The following NEK1 variants were observed in gnomAD, a reference collection of about 807,000 sequenced individuals.
NEK1 encodes NIMA related kinase 1.
In NEK1, 137 loss-of-function variants were observed where a neutral mutation model predicts 182.1. The ratio of observed to expected loss-of-function variants is 0.75; its 90% confidence interval spans 0.65 to 0.87. The LOEUF (loss-of-function observed/expected upper bound fraction) is 0.87. Among genes scored for constraint, NEK1 ranks in the 40% least tolerant of loss-of-function variants. The pLI, the probability that NEK1 is intolerant of heterozygous loss-of-function variation, is 0.00. For missense variants in NEK1, 1,391 were observed against 1,494.4 expected (o/e 0.93, Z 1.14); for synonymous variants, 513 against 492.2 (o/e 1.04, Z -0.56).
At chr4:169,417,302 T>C (rs12644838) in intron 31 of NEK1, among the ~76,000 whole-genome samples, 108,818 of 152,096 alleles carry the variant, frequency 0.72, 41,585 homozygotes, top group Middle Eastern at 0.88. Flanking sequence ...CAATGCCATA[T>C]GAAACCTTGT....
chr4:169,466,200 C>A (rs1579912130), intron 26 of NEK1, among the ~76,000 whole-genome samples: 1 of 152,022 alleles, frequency 6.6e-6, no homozygotes. Context: ...TATAAATGAA[C>A]CTGTCCATTG....
chr4:169,467,514 T>A (rs979336394), intron 26 of NEK1, among the ~76,000 whole-genome samples: 1 of 151,758 alleles, frequency 6.6e-6, no homozygotes, highest in African/African-American at 2.4e-5. Flanking sequence ...TAATAAAAAA[T>A]AACCCCAAAT....
At chr4:169,550,270 C>T (rs1761221388) in intron 18 of NEK1, among the ~76,000 whole-genome samples, 1 of 152,302 alleles carries the variant, frequency 6.6e-6, no homozygotes. Flanking sequence ...TTCTCCTTTG[C>T]CTTCTACCAT....
chr4:169,491,162 A>AAAAAAAAAAAAAAAAAAAAAAAAAAAG (rs1554047307), intron 23 of NEK1, among the ~76,000 whole-genome samples: 1 of 122,834 alleles, frequency 8.1e-6, no homozygotes, highest in African/African-American at 3.2e-5. Flanking sequence ...AAAAAAAAAA[A>AAAAAAAAAAAAAAAAAAAAAAAAAAAG]AGAGAGATGG....
chr4:169,482,456 C>T (rs1748225271), intron 23 of NEK1, among the ~76,000 whole-genome samples: 2 of 151,554 alleles, frequency 1.3e-5, no homozygotes, highest in Non-Finnish European at 1.5e-5. Context: ...CCACATCCAG[C>T]TAATTTTTCT....
chr4:169,435,123 A>C (rs1239495645), intron 28 of NEK1, among the ~76,000 whole-genome samples: 1 of 152,158 alleles, frequency 6.6e-6, no homozygotes, highest in Non-Finnish European at 1.5e-5. Flanking sequence ...ATAGAAACTT[A>C]TTTCTCAGAG....
intron 11 of NEK1, among the ~76,000 whole-genome samples, chr4:169,579,689 C>T (rs1304275449): frequency 4.0e-5 from 6 of 151,236 alleles, no homozygotes; most frequent in South Asian, 2.1e-4. Flanking sequence ...CTTGGGAGGC[C>T]GAGGCAGGTG....
At chr4:169,433,508 A>T (rs1737814766) in intron 29 of NEK1, 37 bp downstream of exon 29, 1 of 1,578,316 alleles carries the variant, frequency 6.3e-7, no homozygotes, top group African/African-American at 1.4e-5. Flanking sequence ...TACAAAAGGG[A>T]CCTGGGTTTT....
chr4:169,433,542 T>C lies in NEK1; in HGVS notation c.2885+3A>G, dbSNP rs1208565669. 15 of 1,607,080 alleles carry C rather than the reference T, an allele frequency of 9.3e-6. No homozygotes were observed. The highest frequency in any genetic ancestry group is 1.3e-5 in the Non-Finnish European group (15 of 1,178,014). On this transcript the variant is annotated splice_donor_region_variant and intron_variant, in intron 29 of 35. Coordinates refer to ENST00000507142, the MANE Select transcript of NEK1 (RefSeq NM_001199397.3). Reference sequence around the variant, plus strand: ...TTAAAATGTCAGGAAAAGATGTACATACTGAGTTTCCTTTGTTTCTTTTTC... The same window carrying C: ...TTAAAATGTCAGGAAAAGATGTACACACTGAGTTTCCTTTGTTTCTTTTTC...
intron 27 of NEK1, among the ~76,000 whole-genome samples, chr4:169,460,659 G>C (rs1743801195): frequency 6.6e-6 from 1 of 151,912 alleles, no homozygotes. Context: ...GAAAATGATT[G>C]GACTTTAAGT....
intron 18 of NEK1, among the ~76,000 whole-genome samples, chr4:169,539,652 C>T (rs1034435897): frequency 1.1e-4 from 16 of 152,062 alleles, no homozygotes; most frequent in Non-Finnish European, 5.9e-5. Flanking sequence ...TGCTATAGCC[C>T]GTCTACGTAA....
intron 31 of NEK1, among the ~76,000 whole-genome samples, chr4:169,419,454 A>C (rs1291072961): frequency 2.0e-5 from 3 of 152,244 alleles, no homozygotes; most frequent in Admixed American, 6.5e-5. Context: ...AAAAAATGTC[A>C]GAAATAGTAA....
intron 27 of NEK1, among the ~76,000 whole-genome samples, chr4:169,447,470 TGTAAAATTCACCA>T (rs1410226456): frequency 6.6e-6 from 1 of 152,034 alleles, no homozygotes; most frequent in East Asian, 1.9e-4. Flanking sequence ...CATCTGAAGG[TGTAAAATTCACCA>T]GTAATAGTAA....
chr4:169,611,341 G>T (rs1046384926), intron 2 of NEK1, among the ~76,000 whole-genome samples: 3 of 152,146 alleles, frequency 2.0e-5, no homozygotes, highest in African/African-American at 7.2e-5. Flanking sequence ...AAGTGAAACA[G>T]ATCTGTAGAA....
At chr4:169,422,667 T>C in intron 31 of NEK1, among the ~76,000 whole-genome samples, 1 of 152,226 alleles carries the variant, frequency 6.6e-6, no homozygotes, top group East Asian at 1.9e-4. Flanking sequence ...GATTTTCTAG[T>C]GTTTTTTCTT....
intron 19 of NEK1, among the ~76,000 whole-genome samples, chr4:169,537,530 T>C (rs1211038731): frequency 6.6e-6 from 1 of 152,202 alleles, no homozygotes; most frequent in African/African-American, 2.4e-5. Flanking sequence ...TATACCCATT[T>C]CTACTCTTTT....
rs1767951756 is a variant in NEK1, at chr4:169,588,829, GCTGGTCCCATA to G, written c.465-105_465-95del. On this transcript the variant is annotated intron_variant, in intron 7 of 35. Transcript: ENST00000507142. ...GTCTACAGCAGATCGCATATATGAT[GCTGGTCCCATA>G]AGATTATAATGACACTGAAAAATTC... The G allele has an allele frequency of 4.0e-6, 3 of 757,646 alleles. No individual in the cohort carries two copies. In the African/African-American group the frequency reaches 5.2e-5, roughly 13 times the overall value. 46.9% of individuals were successfully genotyped at this position (757,646 alleles called of 1,614,324 possible). A position where few individuals can be genotyped will look rare whatever the true frequency, so the allele number is the denominator to read the frequency against.
At chr4:169,569,648 C>T (rs1005397650) in intron 12 of NEK1, among the ~76,000 whole-genome samples, 60 of 152,270 alleles carry the variant, frequency 3.9e-4, no homozygotes, top group South Asian at 2.3e-3. Context: ...CGCGCCACCA[C>T]GCCTGACTGG....
chr4:169,444,923 A>C (rs2149445799), intron 27 of NEK1, among the ~76,000 whole-genome samples: 1 of 152,342 alleles, frequency 6.6e-6, no homozygotes, highest in South Asian at 2.1e-4. Flanking sequence ...CAACTGAAGA[A>C]AACTAGAAAT....
Sources: gnomAD v4.1 joint callset for allele counts (sites outside exome capture counted in the v4.1 genomes callset) on GRCh38, gnomAD v4.1.1 for gene constraint, MANE v1.5 for transcripts, NCBI Gene and HGNC (gene_info 2026-07-23, HGNC 2026-07-21) for gene names.